LYRM4: variants seen among roughly 807,000 people sequenced by gnomAD.
LYRM4 encodes LYR motif-containing protein 4.
A neutral mutation model predicts 11.7 loss-of-function variants in LYRM4; 9 were observed. The ratio of observed to expected loss-of-function variants is 0.77; its 90% confidence interval spans 0.46 to 1.34. LYRM4 has a LOEUF of 1.34. Among genes scored for constraint, LYRM4 ranks in the 40% most tolerant of loss-of-function variants. The pLI is 0.00. For synonymous variants in LYRM4, 42 were observed against 40.4 expected (o/e 1.04, Z -0.15); for missense variants, 133 against 112.5 (o/e 1.18, Z -0.82).
chr6:5,198,002 C>A (rs778011434), intron 2 of LYRM4, among the ~76,000 whole-genome samples: 2 of 152,094 alleles, frequency 1.3e-5, no homozygotes, highest in African/African-American at 4.8e-5. Flanking sequence ...GAAACCCCAT[C>A]CCTACTAAAA....
At chr6:5,054,730 C>T in the LYRM4 span, among the ~76,000 whole-genome samples, 2 of 152,108 alleles carry the variant, frequency 1.3e-5, no homozygotes, top group Admixed American at 6.5e-5. Context: ...GGAGTTTAGA[C>T]GTGACTGACC....
At chr6:5,085,536 C>T in the LYRM4 span, 1 of 1,539,812 alleles carries the variant, frequency 6.5e-7, no homozygotes, top group East Asian at 2.4e-5. Flanking sequence ...GACCAGCGCC[C>T]TTCCGAGAGG....
At chr6:5,223,316 G>C (rs567244859) in intron 1 of LYRM4, among the ~76,000 whole-genome samples, 14 of 152,170 alleles carry the variant, frequency 9.2e-5, no homozygotes, top group Non-Finnish European at 1.6e-4. Flanking sequence ...GCCAAGCACA[G>C]AGTAGTGTGC....
chr6:5,162,511 G>GAGAGAGAGAGAGAGAGAA lies in LYRM4; in HGVS notation c.208-53021_208-53020insTTCTCTCTCTCTCTCTCT, dbSNP rs60651754. Among the ~76,000 whole-genome samples, 377 of 147,724 alleles carry GAGAGAGAGAGAGAGAGAA rather than the reference G, an allele frequency of 2.6e-3. 3 individuals carry two copies. Among genetic ancestry groups the GAGAGAGAGAGAGAGAGAA allele is most frequent in the South Asian group, 4.1e-3 (19 of 4,608 alleles). ...ACAGAGAGCGAGCGAGAGAGAGAGAGAGAGAGAGAGAAAGAGAAAGACAGG... is the reference window on the plus strand; with the variant it reads ...ACAGAGAGCGAGCGAGAGAGAGAGAGAGAGAGAGAGAGAGAGAAAGAGAGAGAGAAAGAGAAAGACAGG... On this transcript the variant is annotated intron_variant, in intron 2 of 2. Coordinates refer to ENST00000330636, the MANE Select transcript of LYRM4 (RefSeq NM_020408.6).
chr6:5,086,032 G>C, the LYRM4 span: 1 of 1,490,522 alleles, frequency 6.7e-7, no homozygotes, highest in South Asian at 1.3e-5. Flanking sequence ...GCTGCTGGCC[G>C]CGGCGGCAGT....
chr6:5,234,650 GT>G (rs2127747133), intron 1 of LYRM4, among the ~76,000 whole-genome samples: 1 of 152,214 alleles, frequency 6.6e-6, no homozygotes, highest in East Asian at 1.9e-4. Context: ...AAAACCCAAG[GT>G]TCTACATGAG....
chr6:5,124,160 G>C (rs1763594350), intron 2 of LYRM4, among the ~76,000 whole-genome samples: 1 of 152,164 alleles, frequency 6.6e-6, no homozygotes, highest in Non-Finnish European at 1.5e-5. Flanking sequence ...CCCTAGTGTG[G>C]TCCCTGAGGC....
At chr6:5,211,119 C>T (rs1212538127) in intron 2 of LYRM4, among the ~76,000 whole-genome samples, 4 of 152,056 alleles carry the variant, frequency 2.6e-5, no homozygotes, top group Admixed American at 1.3e-4. Context: ...ATATGGGGTG[C>T]ACTATCTGTT....
intron 1 of LYRM4, among the ~76,000 whole-genome samples, chr6:5,241,197 G>C (rs1174175971): frequency 6.6e-6 from 1 of 152,114 alleles, no homozygotes; most frequent in Non-Finnish European, 1.5e-5. Context: ...TAAAAAAAAA[G>C]AGCTGTTATG....
chr6:5,251,432 G>GC (rs1353200112), intron 1 of LYRM4, among the ~76,000 whole-genome samples: 1 of 152,150 alleles, frequency 6.6e-6, no homozygotes, highest in East Asian at 1.9e-4. Context: ...TGTGATGCTG[G>GC]CATCTGCTCA....
chr6:5,102,112 A>G (rs1561796444), downstream of LYRM4, among the ~76,000 whole-genome samples: 1 of 150,620 alleles, frequency 6.6e-6, no homozygotes, highest in Non-Finnish European at 1.5e-5. Flanking sequence ...TTTTAAAGAC[A>G]TGTTTTATAT....
At chr6:5,059,873 T>C in the LYRM4 span, among the ~76,000 whole-genome samples, 36 of 151,732 alleles carry the variant, frequency 2.4e-4, no homozygotes, top group Admixed American at 2.4e-3. Flanking sequence ...TAAGCATAGC[T>C]CATTGCAGCC....
At chr6:5,045,128 A>G in the LYRM4 span, among the ~76,000 whole-genome samples, 9 of 152,250 alleles carry the variant, frequency 5.9e-5, no homozygotes, top group East Asian at 1.5e-3. Context: ...AGTGGCTTGA[A>G]TTGAAAGCAG....
At chr6:5,085,533 GCCCTT>G in the LYRM4 span, 2 of 1,539,612 alleles carry the variant, frequency 1.3e-6, no homozygotes, top group East Asian at 4.9e-5. Context: ...CGGGACCAGC[GCCCTT>G]CCGAGAGGCC....
At chr6:5,174,230 T>G (rs1177203481) in intron 2 of LYRM4, among the ~76,000 whole-genome samples, 1 of 152,186 alleles carries the variant, frequency 6.6e-6, no homozygotes, top group East Asian at 1.9e-4. Flanking sequence ...GTTTAGAGCT[T>G]ACAACGCATT....
At chr6:5,037,585 G>T in the LYRM4 span, among the ~76,000 whole-genome samples, 2 of 83,336 alleles carry the variant, frequency 2.4e-5, no homozygotes, top group African/African-American at 3.5e-5. Flanking sequence ...AGTAGGGGCG[G>T]CCGGGCAGAG....
chr6:5,120,125 G>A (rs1184598662), intron 2 of LYRM4, among the ~76,000 whole-genome samples: 1 of 152,076 alleles, frequency 6.6e-6, no homozygotes, highest in African/African-American at 2.4e-5. Flanking sequence ...ATCATCTCCT[G>A]ACCTCGGGAT....
rs1482398127 is a variant in LYRM4, at chr6:5,190,396, T to C, written c.207+26222A>G. On this transcript the variant is annotated intron_variant, in intron 2 of 2. Coordinates refer to ENST00000330636, the MANE Select transcript of LYRM4 (RefSeq NM_020408.6). Reference sequence around the variant, plus strand: ...AAAGCCCATTTAGAAAAAAATTCACTTGGTATTCTGTAGTAACACCGTATC... The same window carrying C: ...AAAGCCCATTTAGAAAAAAATTCACCTGGTATTCTGTAGTAACACCGTATC... Among the ~76,000 whole-genome samples the C allele has an allele frequency of 2.6e-5, 4 of 152,214 alleles. No individual in the cohort carries two copies. The East Asian group carries it at 7.7e-4, about 29-fold the overall frequency.
intron 1 of LYRM4, 40 bp downstream of exon 1, chr6:5,260,608 C>CT: frequency 1.5e-6 from 2 of 1,338,046 alleles, no homozygotes; most frequent in African/African-American, 1.5e-5. Context: ...TCCCCGGCCC[C>CT]TGGCCCCCCG....
Sources: allele counts gnomAD v4.1 joint callset (sites outside exome capture counted in the v4.1 genomes callset), GRCh38; gene constraint gnomAD v4.1.1; transcripts MANE v1.5; gene names NCBI Gene and HGNC (gene_info 2026-07-23, HGNC 2026-07-21).